Variants in SHOX observed in about 807,000 individuals in gnomAD.
SHOX encodes the protein SHOX homeobox, also known as short stature homeobox protein.
In SHOX, 12 loss-of-function variants were observed where a neutral mutation model predicts 29.6. That is an observed-to-expected ratio of 0.41 (90% CI 0.26 to 0.66). The LOEUF (loss-of-function observed/expected upper bound fraction) is 0.66, where lower values mean the gene tolerates loss of function less well. Ranked by LOEUF, SHOX falls within the 30% of genes least tolerant of loss-of-function variation. SHOX has a pLI of 0.35. For synonymous variants in SHOX, 214 were observed against 200.6 expected, an observed-to-expected ratio of 1.07 and a Z score of -0.57; for missense variants, 499 against 437.7, an observed-to-expected ratio of 1.14 and a Z score of -1.25.
At chrX:637,533 T>C in intron 2 of SHOX, among the ~76,000 whole-genome samples, 1 of 151,298 alleles carries the variant, frequency 6.6e-6, no homozygotes, top group East Asian at 2.0e-4. Flanking sequence ...GGTTATCGAT[T>C]GCAGGGGTCG....
downstream of SHOX, among the ~76,000 whole-genome samples, chrX:654,953 G>T (rs1444360179): frequency 6.7e-6 from 1 of 149,650 alleles, no homozygotes; most frequent in Non-Finnish European, 1.5e-5. Flanking sequence ...CTCCCAAAGT[G>T]CTGGGATGAC....
Position 633,009 on chromosome X carries a change from GA to G in SHOX, c.278-1605del, listed in dbSNP as rs745938877. 1.6e-4 allele frequency among the ~76,000 whole-genome samples: 25 copies of G among 152,214 alleles called. 1 individual carries two copies. The South Asian group carries it at 5.2e-3, about 32-fold the overall frequency. ...CCTCCAGACCTTTCGAAAGTGAGAGGAAAATAAAGACCAGGCCAAAGACCCA... is the reference window on the plus strand; with the variant it reads ...CCTCCAGACCTTTCGAAAGTGAGAGGAAATAAAGACCAGGCCAAAGACCCA... On this transcript the variant is annotated intron_variant, in intron 1 of 4. Coordinates refer to ENST00000686671, the MANE Select transcript of SHOX (RefSeq NM_000451.4).
intron 2 of SHOX, among the ~76,000 whole-genome samples, chrX:638,860 C>A (rs189276537): frequency 6.6e-6 from 1 of 152,208 alleles, no homozygotes; most frequent in Non-Finnish European, 1.5e-5. Context: ...TGGCGGAGGA[C>A]GCCTGTTCTC....
intron 2 of SHOX, among the ~76,000 whole-genome samples, chrX:638,255 CAT>C (rs2052790535): frequency 6.8e-6 from 1 of 148,068 alleles, no homozygotes; most frequent in African/African-American, 2.6e-5. Flanking sequence ...TATTCTTCAT[CAT>C]TTTTTTTTTT....
intron 4 of SHOX, 145 bp from the exon 5 acceptor site, chrX:644,246 G>A: frequency 1.9e-6 from 2 of 1,055,740 alleles, no homozygotes; most frequent in South Asian, 2.0e-5. Context: ...GAGGAAAGGC[G>A]GGTGTGGGGT....
intron 4 of SHOX, among the ~76,000 whole-genome samples, chrX:643,966 G>GA (rs1300106517): frequency 7.0e-6 from 1 of 142,558 alleles, no homozygotes; most frequent in Non-Finnish European, 1.5e-5. Context: ...GGGACCTGGT[G>GA]TCTCGGGAGA....
At chrX:652,311 A>T (rs187435512), downstream of SHOX, among the ~76,000 whole-genome samples, 3,432 of 151,726 alleles carry the variant, frequency 0.023, 127 homozygotes, top group East Asian at 0.1. Context: ...TAATAAATGG[A>T]AAAAGAAATC....
chrX:653,328 C>T (rs745585039), downstream of SHOX, among the ~76,000 whole-genome samples: 2 of 152,252 alleles, frequency 1.3e-5, no homozygotes, highest in East Asian at 1.9e-4. Context: ...TATTGTTTTA[C>T]GTGGTTTGAG....
chrX:642,629 C>T (rs1004967036), intron 4 of SHOX, among the ~76,000 whole-genome samples: 4 of 152,146 alleles, frequency 2.6e-5, no homozygotes, highest in Non-Finnish European at 5.9e-5. Context: ...CGTCTTTTGC[C>T]GACGGCGGGA....
chrX:652,339 A>ATT (rs1220969889), downstream of SHOX, among the ~76,000 whole-genome samples: 42 of 87,148 alleles, frequency 4.8e-4, no homozygotes, highest in African/African-American at 9.5e-4. Flanking sequence ...AAAAATGACA[A>ATT]ATTTTTTTTT....
chrX:635,714 A>T (rs1033092170), intron 2 of SHOX, among the ~76,000 whole-genome samples: 2 of 152,116 alleles, frequency 1.3e-5, no homozygotes, highest in African/African-American at 4.8e-5. Flanking sequence ...CATTCACTTA[A>T]AGGTATGAGT....
upstream of SHOX, chrX:630,748 C>A (rs2052631813): frequency 4.1e-6 from 4 of 987,356 alleles, no homozygotes; most frequent in South Asian, 2.9e-5. Context: ...GGGGGCTGGG[C>A]GAGGTCGCCG....
chrX:638,619 AAAAG>A lies in SHOX; in HGVS notation c.487-2201_487-2198del, dbSNP rs201521228. Among the ~76,000 whole-genome samples, 864 of 152,324 alleles carry A rather than the reference AAAAG, an allele frequency of 5.7e-3. 10 individuals carry two copies. Among genetic ancestry groups the A allele is most frequent in the African/African-American group, 0.02 (829 of 41,568 alleles). Reference sequence around the variant, plus strand: ...CCCGGTAGGACCCACTTTGGAAATGAAAAGCCAGTTCCGAAAGCTGGGCTGGAAG... The same window carrying A: ...CCCGGTAGGACCCACTTTGGAAATGACCAGTTCCGAAAGCTGGGCTGGAAG... On this transcript the variant is annotated intron_variant, in intron 2 of 4. Coordinates refer to ENST00000686671, the MANE Select transcript of SHOX (RefSeq NM_000451.4).
chrX:626,585 G>GTCTCTCTCTCTCCTCTCTCTGTATC (rs1569492224), upstream of SHOX, among the ~76,000 whole-genome samples: 1 of 23,144 alleles, frequency 4.3e-5, no homozygotes, highest in Admixed American at 4.1e-4. Flanking sequence ...CTGTATCTCT[G>GTCTCTCTCTCTCCTCTCTCTGTATC]TCTGTCTCTG....
intron 2 of SHOX, among the ~76,000 whole-genome samples, chrX:636,118 A>C (rs772064672): frequency 6.6e-6 from 1 of 151,262 alleles, no homozygotes; most frequent in South Asian, 2.1e-4. Context: ...TACATCTTTC[A>C]TTATATGTGT....
chrX:649,819 T>C lies in SHOX; in HGVS notation c.*5183T>C, dbSNP rs1186471351. ...CCCCAAAACTTGGCCAAATAGTCCG[T>C]GGAGGGTTGTCAGTCGCCGCAGTTG... On this transcript the variant is annotated 3_prime_UTR_variant, in exon 5 of 5. Transcript: ENST00000686671. 2.3e-6 allele frequency: 1 copy of C among 442,166 alleles called. No homozygotes were observed. The highest frequency in any genetic ancestry group is 4.5e-6 in the Non-Finnish European group (1 of 220,130). 27.4% of individuals were successfully genotyped at this position (442,166 alleles called of 1,614,324 possible). A position where few individuals can be genotyped will look rare whatever the true frequency, so the allele number is the denominator to read the frequency against.
intron 2 of SHOX, among the ~76,000 whole-genome samples, chrX:635,906 T>TG (rs2052738878): frequency 6.6e-6 from 1 of 151,214 alleles, no homozygotes; most frequent in Admixed American, 6.6e-5. Flanking sequence ...CCCCGGACCC[T>TG]GGGGACCCCG....
chrX:658,781 TTA>T lies in SHOX; in HGVS notation c.634-3_634-2del. 2.5e-6 allele frequency: 1 copy of T among 396,676 alleles called. No homozygotes were observed. 24.6% of individuals were successfully genotyped at this position (396,676 alleles called of 1,614,324 possible). A position where few individuals can be genotyped will look rare whatever the true frequency, so the allele number is the denominator to read the frequency against. On this transcript the variant is annotated splice_acceptor_variant and splice_polypyrimidine_tract_variant and intron_variant, in intron 5 of 5. Transcript: ENST00000334060. LOFTEE classifies it high-confidence loss of function. ...CACTGCACTTGGCCTTTTTTTTTTT[TTA>T]GATGGAGTTTTGCTCTTGTCGCCCG...
rs370621168 is a variant in SHOX at position 644,670 on chromosome X, C to G, written c.*34C>G. 6.4e-6 allele frequency: 9 copies of G among 1,403,980 alleles called. No individual in the cohort carries two copies. Among genetic ancestry groups the G allele is most frequent in the Admixed American group, 3.4e-5 (1 of 29,072 alleles). The allele number at this position is 1,403,980 out of a possible 1,614,324, so 87.0% of individuals were successfully genotyped here. A position where few individuals can be genotyped will look rare whatever the true frequency, so the allele number is the denominator to read the frequency against. On this transcript the variant is annotated 3_prime_UTR_variant, in exon 5 of 5. Coordinates refer to ENST00000686671, the MANE Select transcript of SHOX (RefSeq NM_000451.4). ...GCAGCCCCCCGCGCGCCCGGACTCC[C>G]GGGCTCCGCGCACCCCGCCTGCACC...
Sources: gnomAD v4.1 joint callset for allele counts (sites outside exome capture counted in the v4.1 genomes callset) on GRCh38, gnomAD v4.1.1 for gene constraint, MANE v1.5 for transcripts, NCBI Gene and HGNC (gene_info 2026-07-23, HGNC 2026-07-21) for gene names.